Variants in PTGER3 observed in about 807,000 individuals in gnomAD.
PTGER3 encodes prostaglandin E receptor 3.
In PTGER3, 22 loss-of-function variants were observed where a neutral mutation model predicts 34.7. That is an observed-to-expected ratio of 0.63 (90% CI 0.45 to 0.91). The LOEUF (loss-of-function observed/expected upper bound fraction) is 0.91, where lower values mean the gene tolerates loss of function less well. PTGER3 is among the 40% of genes least tolerant of loss of function. The pLI, the probability that PTGER3 is intolerant of heterozygous loss-of-function variation, is 0.00. For missense variants in PTGER3, 468 were observed against 519.4 expected (o/e 0.90, Z 0.96); for synonymous variants, 241 against 230.1 (o/e 1.05, Z -0.43).
chr1:70,969,381 C>T (rs1406185025), downstream of PTGER3, among the ~76,000 whole-genome samples: 1 of 152,184 alleles, frequency 6.6e-6, no homozygotes, highest in Middle Eastern at 3.4e-3. Context: ...ATAAATGTTA[C>T]CTTCGCTGAT....
At chr1:71,010,309 T>C in intron 2 of PTGER3, 1 of 984,088 alleles carries the variant, frequency 1.0e-6, no homozygotes, top group Non-Finnish European at 1.2e-6. Context: ...AATTAAATAA[T>C]CAGAAATAAT....
intron 4 of PTGER3, among the ~76,000 whole-genome samples, chr1:70,947,054 G>A (rs1357689887): frequency 6.6e-6 from 1 of 152,096 alleles, no homozygotes; most frequent in Non-Finnish European, 1.5e-5. Flanking sequence ...CTGTGTTCTT[G>A]GGGAAGTCAA....
intron 2 of PTGER3, chr1:71,010,648 T>C: frequency 2.0e-6 from 2 of 984,504 alleles, no homozygotes; most frequent in Non-Finnish European, 1.2e-6. Flanking sequence ...CCCAATGAGA[T>C]GACCTACAGG....
At chr1:71,018,261 A>AT (rs3216531) in intron 1 of PTGER3, among the ~76,000 whole-genome samples, 1 of 151,936 alleles carries the variant, frequency 6.6e-6, no homozygotes, top group African/African-American at 2.4e-5. Flanking sequence ...GCTTCTTTAA[A>AT]TTTTTTTACT....
intron 4 of PTGER3, among the ~76,000 whole-genome samples, chr1:70,861,417 C>T (rs1406084024): frequency 1.3e-5 from 2 of 152,144 alleles, no homozygotes; most frequent in African/African-American, 2.4e-5. Flanking sequence ...AAATGTTGAC[C>T]ACCCATCAAC....
chr1:70,895,905 T>C (rs1646713775), intron 4 of PTGER3, among the ~76,000 whole-genome samples: 1 of 152,130 alleles, frequency 6.6e-6, no homozygotes, highest in African/African-American at 2.4e-5. Flanking sequence ...TTTTCACAGA[T>C]CCCTAGTGGT....
At chr1:70,955,983 T>C (rs897710201) in intron 2 of PTGER3, among the ~76,000 whole-genome samples, 1 of 152,298 alleles carries the variant, frequency 6.6e-6, no homozygotes, top group East Asian at 1.9e-4. Flanking sequence ...GTCTATGGCA[T>C]CTCAAGTAGC....
At chr1:70,944,596 C>T (rs1399018023) in intron 4 of PTGER3, among the ~76,000 whole-genome samples, 1 of 152,080 alleles carries the variant, frequency 6.6e-6, no homozygotes, top group African/African-American at 2.4e-5. Context: ...TCCAGATAAA[C>T]ATGGATAGCA....
intron 1 of PTGER3, among the ~76,000 whole-genome samples, chr1:71,036,057 T>C (rs2100972028): frequency 6.6e-6 from 1 of 152,350 alleles, no homozygotes; most frequent in South Asian, 2.1e-4. Context: ...TCTGGTCAAG[T>C]GGGCAGAACA....
rs1263581070 is a variant in PTGER3 at position 70,974,340 on chromosome 1, A to G, written c.1126T>C (p.Cys376Arg). 1 of 1,439,140 alleles carries G rather than the reference A, an allele frequency of 6.9e-7. No homozygotes were observed. Among genetic ancestry groups the G allele is most frequent in the Non-Finnish European group, 9.8e-7 (1 of 1,020,764 alleles). 89.1% of individuals were successfully genotyped at this position (1,439,140 alleles called of 1,614,324 possible). A position where few individuals can be genotyped will look rare whatever the true frequency, so the allele number is the denominator to read the frequency against. The change falls in exon 3 of 4, where the codon TGC (cysteine) becomes CGC (arginine). Residue 376 changes from cysteine to arginine, a missense_variant. This residue lies in a region of PTGER3 where 57 missense variants were observed against 43.8 expected (regional missense o/e 1.30). Transcript: ENST00000306666. ...CACATCAAGGTTGAGGAACACTGGCAGGGTAAGGAGGTGGAGCTGGATGCA... is the reference window on the plus strand; with the variant it reads ...CACATCAAGGTTGAGGAACACTGGCGGGGTAAGGAGGTGGAGCTGGATGCA... ...NYASSSTSLP[C>R]QCSSTLMWSD...
intron 2 of PTGER3, among the ~76,000 whole-genome samples, chr1:70,955,614 T>C (rs1651241170): frequency 6.6e-6 from 1 of 152,170 alleles, no homozygotes; most frequent in Non-Finnish European, 1.5e-5. Context: ...CTAATATTGT[T>C]CTGTTAGTAG....
At chr1:70,994,649 G>A (rs948420986) in intron 2 of PTGER3, among the ~76,000 whole-genome samples, 1 of 151,852 alleles carries the variant, frequency 6.6e-6, no homozygotes, top group Non-Finnish European at 1.5e-5. Context: ...GTAGAGACAG[G>A]GTTTCCCCAT....
rs144352309 is a variant in PTGER3, at chr1:71,026,256, C to T, written c.898-13772G>A. ...TAGGAACTGAGTAATACTCACAGTC[C>T]CTGACCTATATAAGTGCTATGTAAG... On this transcript the variant is annotated intron_variant, in intron 1 of 3. Coordinates refer to ENST00000306666, the MANE Select transcript of PTGER3 (RefSeq NM_198719.2). Among the ~76,000 whole-genome samples, 1,158 of 152,210 alleles carry T rather than the reference C, an allele frequency of 7.6e-3. 4 individuals carry two copies. Among genetic ancestry groups the T allele is most frequent in the Non-Finnish European group, 0.011 (771 of 68,006 alleles).
intron 2 of PTGER3, among the ~76,000 whole-genome samples, chr1:70,981,386 TCTTTCTTTC>T (rs1654334049): frequency 1.5e-5 from 1 of 65,840 alleles, no homozygotes. Flanking sequence ...TTTCTTTCTT[TCTTTCTTTC>T]CTTCCTTCCT....
chr1:70,857,416 C>T (rs528913028), intron 4 of PTGER3, among the ~76,000 whole-genome samples: 2 of 151,780 alleles, frequency 1.3e-5, no homozygotes, highest in Non-Finnish European at 2.9e-5. Flanking sequence ...ATTTTTTTTT[C>T]CCCTGATAGT....
intron 1 of PTGER3, among the ~76,000 whole-genome samples, chr1:71,021,372 A>T (rs9425052): frequency 1.3e-5 from 2 of 151,948 alleles, no homozygotes; most frequent in African/African-American, 4.8e-5. Context: ...TTATCTTTCT[A>T]TTAGAACAGT....
At chr1:70,958,269 T>A (rs1290133149) in intron 2 of PTGER3, among the ~76,000 whole-genome samples, 1 of 152,190 alleles carries the variant, frequency 6.6e-6, no homozygotes, top group Non-Finnish European at 1.5e-5. Flanking sequence ...TAAAGGAAAC[T>A]TTATACTGTT....
Position 70,987,984 on chromosome 1 carries a change from T to A in PTGER3, c.1078-13596A>T, listed in dbSNP as rs193121593. Among the ~76,000 whole-genome samples the A allele has an allele frequency of 1.9e-3, 283 of 152,236 alleles. 1 individual carries two copies. Among genetic ancestry groups the A allele is most frequent in the African/African-American group, 6.3e-3 (262 of 41,534 alleles). Reference sequence around the variant, plus strand: ...ATTACGTAGTGTAAATTGTATGTAGTTTGTGGTTATGAAGCGTCTAAATTC... The same window carrying A: ...ATTACGTAGTGTAAATTGTATGTAGATTGTGGTTATGAAGCGTCTAAATTC... On this transcript the variant is annotated intron_variant, in intron 2 of 3. Coordinates refer to ENST00000306666, the MANE Select transcript of PTGER3 (RefSeq NM_198719.2).
intron 1 of PTGER3, among the ~76,000 whole-genome samples, chr1:71,032,834 G>A (rs1182809597): frequency 6.6e-6 from 1 of 152,160 alleles, no homozygotes; most frequent in Non-Finnish European, 1.5e-5. Context: ...TTTGAGAACT[G>A]CTCTCCTTTT....
Sources: gnomAD v4.1 joint callset for allele counts (sites outside exome capture counted in the v4.1 genomes callset) on GRCh38, gnomAD v4.1.1 for gene constraint, gnomAD v4.1.1 regional missense constraint, MANE v1.5 for transcripts, NCBI Gene and HGNC (gene_info 2026-07-23, HGNC 2026-07-21) for gene names.